The following TTC28 variants were observed in gnomAD, a reference collection of about 807,000 sequenced individuals.
TTC28 encodes the protein tetratricopeptide repeat domain 28.
A neutral mutation model predicts 198.0 loss-of-function variants in TTC28; 61 were observed. The observed-to-expected ratio is 0.31, with a 90% confidence interval of 0.25 to 0.38. The LOEUF is 0.38. TTC28 is among the 10% of genes least tolerant of loss of function. The probability of loss-of-function intolerance (pLI) is 1.00; values close to 1 mark genes in which losing one functional copy is unlikely to be tolerated. For missense variants in TTC28, 2,678 were observed against 3,164.0 expected (o/e 0.85, Z 3.69); for synonymous variants, 1,171 against 1,297.8 (o/e 0.90, Z 2.10).
chr22:28,448,788 T>G (rs2047736939), intron 2 of TTC28, among the ~76,000 whole-genome samples: 1 of 152,160 alleles, frequency 6.6e-6, no homozygotes, highest in Non-Finnish European at 1.5e-5. Context: ...CTGCTACAGA[T>G]CACTCCACAA....
At chr22:28,677,171 AAAAAAT>A (rs1251065799) in intron 1 of TTC28, among the ~76,000 whole-genome samples, 562 of 20,582 alleles carry the variant, frequency 0.027, 2 homozygotes, top group East Asian at 0.09. Context: ...AAAAAAAAAA[AAAAAAT>A]ATATATATAT....
intron 2 of TTC28, among the ~76,000 whole-genome samples, chr22:28,411,849 T>C (rs1030501264): frequency 6.6e-5 from 10 of 152,200 alleles, no homozygotes; most frequent in Non-Finnish European, 1.5e-4. Flanking sequence ...CATTCTGAGA[T>C]CTAGCCAACA....
intron 2 of TTC28, among the ~76,000 whole-genome samples, chr22:28,388,903 C>T (rs1170486476): frequency 1.3e-5 from 2 of 152,212 alleles, no homozygotes; most frequent in Non-Finnish European, 2.9e-5. Context: ...TGAGAGAGGG[C>T]ATCCCTGTCT....
intron 2 of TTC28, among the ~76,000 whole-genome samples, chr22:28,521,035 G>C (rs2048894717): frequency 6.6e-6 from 1 of 152,126 alleles, no homozygotes; most frequent in African/African-American, 2.4e-5. Flanking sequence ...CTGGGTGACA[G>C]GGCAAGACTC....
intron 2 of TTC28, among the ~76,000 whole-genome samples, chr22:28,574,425 T>C (rs749377343): frequency 3.3e-5 from 5 of 152,158 alleles, no homozygotes; most frequent in African/African-American, 7.2e-5. Flanking sequence ...CATTCATCTG[T>C]TGATGAACAT....
In TTC28 at chr22:27,979,810, G is replaced by A. The variant is rs1259062971; in HGVS notation, c.*2411C>T. On this transcript the variant is annotated 3_prime_UTR_variant, in exon 23 of 23. Coordinates refer to ENST00000397906, the MANE Select transcript of TTC28 (RefSeq NM_001145418.2). Reference sequence around the variant, plus strand: ...AAGACTGACATACACGTAAAGTGGCGGTGACTTTACAGTGGCCTCTAGACT... The same window carrying A: ...AAGACTGACATACACGTAAAGTGGCAGTGACTTTACAGTGGCCTCTAGACT... 1 of 152,218 alleles carries A rather than the reference G, an allele frequency of 6.6e-6. No homozygotes were observed. The highest frequency in any genetic ancestry group is 1.9e-4 in the East Asian group (1 of 5,182). The allele number at this position is 152,218 out of a possible 1,614,324, so 9.4% of individuals were successfully genotyped here. A position where few individuals can be genotyped will look rare whatever the true frequency, so the allele number is the denominator to read the frequency against.
chr22:28,513,961 TATAAC>T (rs1255685215), intron 2 of TTC28, among the ~76,000 whole-genome samples: 3 of 152,126 alleles, frequency 2.0e-5, no homozygotes, highest in South Asian at 2.1e-4. Context: ...ATCATACTGT[TATAAC>T]AGGCAGTCTT....
intron 2 of TTC28, among the ~76,000 whole-genome samples, chr22:28,465,101 G>A (rs915128021): frequency 1.3e-5 from 2 of 152,104 alleles, no homozygotes; most frequent in Non-Finnish European, 2.9e-5. Flanking sequence ...TACATTTTCT[G>A]GTTACTAACT....
rs900951509 is a variant in TTC28, at chr22:28,469,300, G to C, written c.381+160252C>G. ...GCACCTGTATGCCAAAGCAGAGAAA[G>C]CTAGTCTTCAGAAAAAGGGAGAACC... On this transcript the variant is annotated intron_variant, in intron 2 of 22. Transcript: ENST00000397906. Among the ~76,000 whole-genome samples the C allele has an allele frequency of 5.3e-5, 8 of 152,276 alleles. No individual in the cohort carries two copies. The South Asian group carries it at 8.3e-4, about 16-fold the overall frequency.
At chr22:28,553,484 T>A (rs1426913637) in intron 2 of TTC28, among the ~76,000 whole-genome samples, 1 of 149,752 alleles carries the variant, frequency 6.7e-6, no homozygotes, top group African/African-American at 2.5e-5. Flanking sequence ...CGCAACCCCG[T>A]CTGGGAGGCG....
chr22:28,165,907 C>T (rs1392654626), intron 5 of TTC28, among the ~76,000 whole-genome samples: 1 of 152,160 alleles, frequency 6.6e-6, no homozygotes, highest in Non-Finnish European at 1.5e-5. Context: ...AGTCAAGACC[C>T]ATCAGTGTGC....
At chr22:28,238,231 G>A (rs959437589) in intron 5 of TTC28, among the ~76,000 whole-genome samples, 1 of 152,062 alleles carries the variant, frequency 6.6e-6, no homozygotes, top group African/African-American at 2.4e-5. Flanking sequence ...CTACCTAATA[G>A]TATCCAATGG....
intron 2 of TTC28, among the ~76,000 whole-genome samples, chr22:28,394,692 T>C (rs1478321343): frequency 6.6e-6 from 1 of 152,166 alleles, no homozygotes; most frequent in Admixed American, 6.5e-5. Context: ...CAGGGACAGT[T>C]TTCTATTCAG....
intron 13 of TTC28, chr22:28,028,825 A>G (rs1223505289): frequency 3.1e-5 from 11 of 358,650 alleles, no homozygotes; most frequent in South Asian, 1.0e-4. Flanking sequence ...TTATTTATAC[A>G]TTGGCTCCTT....
chr22:28,629,700 A>T lies in TTC28; in HGVS notation c.233T>A (p.Ile78Asn), dbSNP rs955538815. 2 of 1,551,602 alleles carry T rather than the reference A, an allele frequency of 1.3e-6. No individual in the cohort carries two copies. The highest frequency in any genetic ancestry group is 2.4e-5 in the East Asian group (1 of 40,936). Residue 78 changes from isoleucine to asparagine, a missense_variant, in exon 2 of 23, where the codon ATT becomes AAT. Ile to Asn is a moderately radical substitution (Grantham distance 149). Around this residue, in one of 8 missense-constraint regions of TTC28, gnomAD observed 176 missense variants for 197.9 expected, o/e 0.89. Coordinates refer to ENST00000397906, the MANE Select transcript of TTC28 (RefSeq NM_001145418.2). ...AGCCAGGGCTTCATTATACAGAACA[A>T]TAGCTGTGTGGAAATCTCCATCATG... ...ACHDGDFHTA[I>N]VLYNEALAVD...
In TTC28 at chr22:28,001,382, G is replaced by A; in HGVS notation, c.4390C>T (p.Gln1464Ter). The A allele has an allele frequency of 6.5e-7, 1 of 1,549,796 alleles. No individual in the cohort carries two copies. The highest frequency in any genetic ancestry group is 1.2e-5 in the South Asian group (1 of 84,036). ...AVPSIRSLSV[Q>*]SKSHLRKNPP... ...ATGTGTGTGAGCCTTACCTTGGACT[G>A]CACGCTGAGGGAGCGGATGGAAGGG... The change falls in exon 15 of 23, where the codon CAG (glutamine) becomes TAG (stop). Residue 1464 changes from glutamine (Q) to a stop codon, truncating the protein, a stop_gained. Coordinates refer to ENST00000397906, the MANE Select transcript of TTC28 (RefSeq NM_001145418.2). LOFTEE classifies it high-confidence loss of function.
chr22:28,364,022 G>A (rs1223353859), intron 2 of TTC28, among the ~76,000 whole-genome samples: 1 of 152,158 alleles, frequency 6.6e-6, no homozygotes, highest in Non-Finnish European at 1.5e-5. Flanking sequence ...TTGGGGGACT[G>A]TTGAGAAGGC....
Position 28,168,807 on chromosome 22 carries a change from C to A in TTC28, c.934-5208G>T, listed in dbSNP as rs550259725. ...ACACCAAAAGCAATGGCAACAAAAG[C>A]CAAAATTGACAAATGGGATCTAATT... On this transcript the variant is annotated intron_variant, in intron 5 of 22. Coordinates refer to ENST00000397906, the MANE Select transcript of TTC28 (RefSeq NM_001145418.2). Among the ~76,000 whole-genome samples, 458 of 152,212 alleles carry A rather than the reference C, an allele frequency of 3.0e-3. 3 individuals carry two copies. Among genetic ancestry groups the A allele is most frequent in the African/African-American group, 0.011 (442 of 41,528 alleles).
chr22:28,187,287 T>C (rs1924288469), intron 5 of TTC28, among the ~76,000 whole-genome samples: 1 of 152,176 alleles, frequency 6.6e-6, no homozygotes, highest in African/African-American at 2.4e-5. Context: ...AGTCCTAAAA[T>C]ACTAACCTAT....
Sources: gnomAD v4.1 joint callset for allele counts (sites outside exome capture counted in the v4.1 genomes callset) on GRCh38, gnomAD v4.1.1 for gene constraint, gnomAD v4.1.1 regional missense constraint, MANE v1.5 for transcripts, NCBI Gene and HGNC (gene_info 2026-07-23, HGNC 2026-07-21) for gene names.